Variants in PKIB observed in about 807,000 individuals in gnomAD.
PKIB encodes the protein cAMP-dependent protein kinase inhibitor beta.
In PKIB, 2 loss-of-function variants were observed where a neutral mutation model predicts 4.5. That is an observed-to-expected ratio of 0.44 (90% CI 0.18 to 1.39). The LOEUF is 1.39. Ranked by LOEUF, PKIB falls within the 40% of genes most tolerant of loss-of-function variation. PKIB has a pLI of 0.27. For synonymous variants in PKIB, 38 were observed against 36.0 expected, an observed-to-expected ratio of 1.06 and a Z score of -0.20; for missense variants, 94 against 92.6, an observed-to-expected ratio of 1.02 and a Z score of -0.06.
intron 2 of PKIB, among the ~76,000 whole-genome samples, chr6:122,571,119 A>T (rs888062586): frequency 2.6e-5 from 4 of 152,198 alleles, no homozygotes; most frequent in Non-Finnish European, 5.9e-5. Context: ...TGAAAATTTC[A>T]ATATTAGACA....
At chr6:122,604,017 T>C (rs1774454016) in intron 3 of PKIB, among the ~76,000 whole-genome samples, 1 of 151,914 alleles carries the variant, frequency 6.6e-6, no homozygotes, top group African/African-American at 2.4e-5. Flanking sequence ...TACTTACATA[T>C]TTATACAAAA....
chr6:122,702,762 G>A (rs145217869), intron 3 of PKIB, among the ~76,000 whole-genome samples: 70 of 152,200 alleles, frequency 4.6e-4, no homozygotes, highest in African/African-American at 1.6e-3. Flanking sequence ...GGAATTTTTC[G>A]TAGAGAATTT....
chr6:122,561,994 G>GTTTTTTTTTTTTTTTTTT lies in PKIB; in HGVS notation c.-247-23918_-247-23917insTTTTTTTTTTTTTTTTTT. ...GCATAGTTTTTTTTTGTTTGTTTTT[G>GTTTTTTTTTTTTTTTTTT]TTTTTTTTTGTTTTTTTTTTTTTTT... On this transcript the variant is annotated intron_variant, in intron 2 of 6. Coordinates refer to the PKIB transcript ENST00000392491. Among the ~76,000 whole-genome samples the GTTTTTTTTTTTTTTTTTT allele has an allele frequency of 9.3e-4, 38 of 40,896 alleles. 3 individuals are homozygous for GTTTTTTTTTTTTTTTTTT. Among genetic ancestry groups the GTTTTTTTTTTTTTTTTTT allele is most frequent in the East Asian group, 1.8e-3 (2 of 1,140 alleles). 26.8% of individuals were successfully genotyped at this position (40,896 alleles called of 152,430 possible).
chr6:122,547,695 C>T (rs1166846104), intron 2 of PKIB, among the ~76,000 whole-genome samples: 1 of 152,164 alleles, frequency 6.6e-6, no homozygotes, highest in Non-Finnish European at 1.5e-5. Flanking sequence ...TCTGCAGCTC[C>T]AGCCACTCCC....
At chr6:122,474,000 G>T (rs1045718271) in intron 1 of PKIB, among the ~76,000 whole-genome samples, 5 of 152,188 alleles carry the variant, frequency 3.3e-5, no homozygotes, top group African/African-American at 1.2e-4. Context: ...GGGCATGGTG[G>T]CACACCTCTG....
intron 1 of PKIB, among the ~76,000 whole-genome samples, chr6:122,632,889 C>A (rs1305693288): frequency 6.6e-6 from 1 of 151,278 alleles, no homozygotes; most frequent in African/African-American, 2.4e-5. Context: ...AAAAAAAAAT[C>A]TTGCTTTCTT....
At chr6:122,650,721 G>A (rs1231585629) in intron 2 of PKIB, among the ~76,000 whole-genome samples, 1 of 152,116 alleles carries the variant, frequency 6.6e-6, no homozygotes, top group Admixed American at 6.6e-5. Flanking sequence ...TAAGGGTGCT[G>A]GGGCCCCCCT....
intron 3 of PKIB, among the ~76,000 whole-genome samples, chr6:122,701,826 A>T (rs1026095213): frequency 1.3e-5 from 2 of 152,152 alleles, no homozygotes; most frequent in African/African-American, 4.8e-5. Context: ...CACTGGACAG[A>T]TGAGATCCAC....
chr6:122,662,305 C>T (rs1387812098), intron 2 of PKIB, among the ~76,000 whole-genome samples: 3 of 18,324 alleles, frequency 1.6e-4, no homozygotes, highest in South Asian at 1.0e-3. Context: ...CTTTCCTTGT[C>T]TCCTTTTTTT....
chr6:122,641,954 A>G (rs1371628724), intron 2 of PKIB, among the ~76,000 whole-genome samples: 2 of 152,170 alleles, frequency 1.3e-5, no homozygotes, highest in Non-Finnish European at 2.9e-5. Flanking sequence ...CGGCCTCCCA[A>G]AGTGCTGGGA....
chr6:122,662,308 C>CTTTTTTTTTTTTT (rs71021412), intron 2 of PKIB, among the ~76,000 whole-genome samples: 194 of 13,240 alleles, frequency 0.015, 41 homozygotes, highest in Non-Finnish European at 0.021. Context: ...TCCTTGTCTC[C>CTTTTTTTTTTTTT]TTTTTTTTTT....
chr6:122,492,256 A>C (rs1422115253), intron 2 of PKIB, among the ~76,000 whole-genome samples: 1 of 152,212 alleles, frequency 6.6e-6, no homozygotes, highest in Non-Finnish European at 1.5e-5. Flanking sequence ...GATTGTAAGC[A>C]TATTGAGAGA....
chr6:122,473,060 G>A (rs1324141223), intron 1 of PKIB, among the ~76,000 whole-genome samples: 2 of 152,146 alleles, frequency 1.3e-5, no homozygotes, highest in African/African-American at 2.4e-5. Flanking sequence ...GCAGTGAGCC[G>A]AGATTGGGCC....
chr6:122,548,855 A>C (rs1772583650), intron 2 of PKIB, among the ~76,000 whole-genome samples: 1 of 152,214 alleles, frequency 6.6e-6, no homozygotes, highest in African/African-American at 2.4e-5. Flanking sequence ...AAAAGAAGAA[A>C]TACTTTGATA....
upstream of PKIB, among the ~76,000 whole-genome samples, chr6:122,609,189 C>T (rs1361090068): frequency 6.6e-6 from 1 of 152,076 alleles, no homozygotes; most frequent in Non-Finnish European, 1.5e-5. Flanking sequence ...ACAAAATGTG[C>T]CTACATCACA....
At chr6:122,681,805 A>G (rs1338525229) in intron 3 of PKIB, among the ~76,000 whole-genome samples, 1 of 152,224 alleles carries the variant, frequency 6.6e-6, no homozygotes, top group Non-Finnish European at 1.5e-5. Flanking sequence ...GTGATATTTA[A>G]TTGTTCCCTC....
chr6:122,547,658 C>T (rs1772536605), intron 2 of PKIB, among the ~76,000 whole-genome samples: 1 of 152,102 alleles, frequency 6.6e-6, no homozygotes, highest in African/African-American at 2.4e-5. Context: ...CTTTCTTATA[C>T]TGTCTGTCTT....
Position 122,561,994 on chromosome 6 carries a change from G to GTTTTTT in PKIB, c.-247-23923_-247-23918dup. On this transcript the variant is annotated intron_variant, in intron 2 of 6. Transcript: ENST00000392491. Reference sequence around the variant, plus strand: ...GCATAGTTTTTTTTTGTTTGTTTTTGTTTTTTTTTGTTTTTTTTTTTTTTT... The same window carrying GTTTTTT: ...GCATAGTTTTTTTTTGTTTGTTTTTGTTTTTTTTTTTTTTTGTTTTTTTTTTTTTTT... Among the ~76,000 whole-genome samples, 401 of 40,756 alleles carry GTTTTTT rather than the reference G, an allele frequency of 9.8e-3. 29 individuals are homozygous for GTTTTTT. The highest frequency in any genetic ancestry group is 0.017 in the Middle Eastern group (1 of 60). 26.7% of individuals were successfully genotyped at this position (40,756 alleles called of 152,430 possible). A position where few individuals can be genotyped will look rare whatever the true frequency, so the allele number is the denominator to read the frequency against.
chr6:122,536,474 T>A (rs1397865169), intron 2 of PKIB, among the ~76,000 whole-genome samples: 2 of 152,156 alleles, frequency 1.3e-5, no homozygotes, highest in Non-Finnish European at 2.9e-5. Flanking sequence ...TTTGGCCTAG[T>A]TTAGATTGAA....
Sources: allele counts gnomAD v4.1 joint callset (sites outside exome capture counted in the v4.1 genomes callset), GRCh38; gene constraint gnomAD v4.1.1; transcripts MANE v1.5; gene names NCBI Gene and HGNC (gene_info 2026-07-23, HGNC 2026-07-21).